PAK2: variants seen among roughly 807,000 people sequenced by gnomAD.
PAK2 encodes serine/threonine-protein kinase PAK 2.
Under a neutral mutation model 65.9 loss-of-function variants are expected in PAK2, and 21 were observed. The observed-to-expected ratio is 0.32, with a 90% CI of 0.23 to 0.46. The LOEUF (loss-of-function observed/expected upper bound fraction) is 0.46. Among genes scored for constraint, PAK2 ranks in the 20% least tolerant of loss-of-function variants. The pLI is 1.00. For missense variants in PAK2, 324 were observed against 642.6 expected, an observed-to-expected ratio of 0.50 and a Z score of 5.36; for synonymous variants, 204 against 219.7, an observed-to-expected ratio of 0.93 and a Z score of 0.63.
intron 1 of PAK2, among the ~76,000 whole-genome samples, chr3:196,742,908 A>G (rs1311374032): frequency 3.2e-4 from 49 of 152,346 alleles, no homozygotes; most frequent in Non-Finnish European, 2.4e-4. Context: ...CTACAGAGCG[A>G]GACTCCGTCT....
rs1489462467 is a variant in PAK2 at position 196,740,143 on chromosome 3, C to G, written c.-36C>G. On this transcript the variant is annotated 5_prime_UTR_variant, in exon 1 of 15. Coordinates refer to ENST00000327134, the MANE Select transcript of PAK2 (RefSeq NM_002577.4). The stretch of plus-strand genomic sequence containing the variant: ...CGAGGCGCCTCGCTGGGGCGGGGAC[C>G]TTGCCTTGCCCGGGGTAAGTGCACA... 3.3e-5 allele frequency: 5 copies of G among 152,262 alleles called. No homozygotes were observed. In the East Asian group the frequency reaches 7.8e-4, roughly 24 times the overall value. 9.4% of individuals were successfully genotyped at this position (152,262 alleles called of 1,614,324 possible). A position where few individuals can be genotyped will look rare whatever the true frequency, so the allele number is the denominator to read the frequency against.
At chr3:196,787,829 T>C (rs1714945415) in intron 2 of PAK2, among the ~76,000 whole-genome samples, 1 of 152,226 alleles carries the variant, frequency 6.6e-6, no homozygotes, top group South Asian at 2.1e-4. Context: ...TTATTGCTCC[T>C]ACCTGGAAGC....
chr3:196,827,120 C>T, intron 13 of PAK2, 76 bp from the exon 14 acceptor site: 1 of 836,170 alleles, frequency 1.2e-6, no homozygotes, highest in Non-Finnish European at 1.9e-6. Context: ...AAGAAAGAAT[C>T]CCTTAGACTT....
intron 2 of PAK2, among the ~76,000 whole-genome samples, chr3:196,790,022 G>A (rs1270271767): frequency 6.6e-6 from 1 of 152,194 alleles, no homozygotes; most frequent in East Asian, 1.9e-4. Flanking sequence ...AACCGGCCAT[G>A]GACCTGTACT....
intron 5 of PAK2, among the ~76,000 whole-genome samples, chr3:196,805,729 T>C (rs540736851): frequency 6.6e-6 from 1 of 152,180 alleles, no homozygotes; most frequent in South Asian, 2.1e-4. Context: ...GAATATAGAC[T>C]GTGGAAAGGT....
intron 1 of PAK2, among the ~76,000 whole-genome samples, chr3:196,779,901 C>T (rs139410804): frequency 6.6e-6 from 1 of 152,196 alleles, no homozygotes; most frequent in Non-Finnish European, 1.5e-5. Context: ...GAACTCATGA[C>T]CCCAAGCAAT....
chr3:196,787,335 C>G (rs1216108533), intron 2 of PAK2, among the ~76,000 whole-genome samples: 1 of 151,948 alleles, frequency 6.6e-6, no homozygotes, highest in Non-Finnish European at 1.5e-5. Flanking sequence ...AATCTCAGCA[C>G]TTTGGGAGGC....
At chr3:196,776,288 A>G (rs1189834500) in intron 1 of PAK2, among the ~76,000 whole-genome samples, 2 of 152,214 alleles carry the variant, frequency 1.3e-5, no homozygotes, top group East Asian at 3.8e-4. Context: ...AAAGTTATTG[A>G]TCAAGTATTC....
chr3:196,751,077 T>G (rs1713564173), intron 1 of PAK2, among the ~76,000 whole-genome samples: 1 of 152,172 alleles, frequency 6.6e-6, no homozygotes, highest in Admixed American at 6.5e-5. Flanking sequence ...CTCTAATCTG[T>G]TTTCTGTCTC....
At chr3:196,763,756 G>A (rs1714062704) in intron 1 of PAK2, among the ~76,000 whole-genome samples, 1 of 151,900 alleles carries the variant, frequency 6.6e-6, no homozygotes, top group African/African-American at 2.4e-5. Context: ...AGAAAGAAAG[G>A]AAAGGCACTC....
intron 1 of PAK2, among the ~76,000 whole-genome samples, chr3:196,768,041 A>G (rs1005334403): frequency 6.6e-6 from 1 of 152,066 alleles, no homozygotes; most frequent in African/African-American, 2.4e-5. Flanking sequence ...TAGTGGTTGC[A>G]TATCTGGAAA....
At chr3:196,761,380 A>G (rs1713957553) in intron 1 of PAK2, among the ~76,000 whole-genome samples, 1 of 79,810 alleles carries the variant, frequency 1.3e-5, no homozygotes, top group Non-Finnish European at 2.4e-5. Flanking sequence ...GCTGCCTTCA[A>G]GCATCTGTTT....
chr3:196,753,990 T>C (rs1713691947), intron 1 of PAK2, among the ~76,000 whole-genome samples: 1 of 152,204 alleles, frequency 6.6e-6, no homozygotes, highest in Non-Finnish European at 1.5e-5. Flanking sequence ...ACCATTTCTG[T>C]CCCCTATGTG....
chr3:196,776,505 A>G (rs1468950994), intron 1 of PAK2, among the ~76,000 whole-genome samples: 2 of 152,194 alleles, frequency 1.3e-5, no homozygotes, highest in Non-Finnish European at 1.5e-5. Context: ...ATAGTGACAG[A>G]ATTTGTTGCT....
At chr3:196,775,445 C>T (rs193034133) in intron 1 of PAK2, among the ~76,000 whole-genome samples, 2 of 151,930 alleles carry the variant, frequency 1.3e-5, no homozygotes, top group Admixed American at 6.6e-5. Context: ...TGCAGTGGTA[C>T]GATCTCGGCT....
At chr3:196,745,687 A>G (rs1389723565) in intron 1 of PAK2, among the ~76,000 whole-genome samples, 1 of 151,888 alleles carries the variant, frequency 6.6e-6, no homozygotes, top group South Asian at 2.1e-4. Flanking sequence ...GGTGGTGCAC[A>G]CCTGTAGTTC....
Position 196,745,089 on chromosome 3 carries a change from T to C in PAK2, c.-22+4932T>C, listed in dbSNP as rs1713328842. On this transcript the variant is annotated intron_variant, in intron 1 of 14. Coordinates refer to ENST00000327134, the MANE Select transcript of PAK2 (RefSeq NM_002577.4). The stretch of plus-strand genomic sequence containing the variant: ...AAAAACATTCTTATGTGTTTTCTTC[T>C]GGTACTTTTAATAATTATTGTGTTT... 2.6e-5 allele frequency among the ~76,000 whole-genome samples: 4 copies of C among 151,142 alleles called. No homozygotes were observed. In the South Asian group the frequency reaches 8.4e-4, roughly 32 times the overall value.
chr3:196,783,386 G>A (rs1714774457), intron 2 of PAK2, among the ~76,000 whole-genome samples: 1 of 151,942 alleles, frequency 6.6e-6, no homozygotes, highest in African/African-American at 2.4e-5. Context: ...ATTTGTTGTT[G>A]CAGGGACCTA....
At chr3:196,774,306 T>C (rs565822134) in intron 1 of PAK2, among the ~76,000 whole-genome samples, 1 of 152,322 alleles carries the variant, frequency 6.6e-6, no homozygotes, top group South Asian at 2.1e-4. Flanking sequence ...TATGTGCCTT[T>C]AGGCTAACCA....
Sources: allele counts gnomAD v4.1 joint callset (sites outside exome capture counted in the v4.1 genomes callset), GRCh38; gene constraint gnomAD v4.1.1; transcripts MANE v1.5; gene names NCBI Gene and HGNC (gene_info 2026-07-23, HGNC 2026-07-21).